The following CADPS variants were observed in gnomAD, a reference collection of about 807,000 sequenced individuals.
CADPS encodes the protein calcium-dependent secretion activator 1.
Under a neutral mutation model 167.3 loss-of-function variants are expected in CADPS, and 57 were observed. That is an observed-to-expected ratio of 0.34 (90% CI 0.28 to 0.42). The LOEUF is 0.42. Ranked by LOEUF, CADPS falls within the 20% of genes least tolerant of loss-of-function variation. The pLI, the probability that CADPS is intolerant of heterozygous loss-of-function variation, is 1.00. For missense variants in CADPS, 1,414 were observed against 1,738.1 expected (o/e 0.81, Z 3.32); for synonymous variants, 676 against 635.3 (o/e 1.06, Z -0.96).
In CADPS at chr3:62,874,103, A is replaced by G. The variant is rs1396874043; in HGVS notation, c.441+486T>C. ...CCAGCGAGCGGAGCGCTGCTCCAAGACGCTCTTCTCCCTCCACCTCGGCGC... is the reference window on the plus strand; with the variant it reads ...CCAGCGAGCGGAGCGCTGCTCCAAGGCGCTCTTCTCCCTCCACCTCGGCGC... On this transcript the variant is annotated intron_variant, in intron 1 of 29. Transcript: ENST00000383710. This position sits in a 1 kb window ranked among gnomAD's most constrained non-coding sequence, Gnocchi z 7.1. 6.6e-6 allele frequency among the ~76,000 whole-genome samples: 1 copy of G among 152,052 alleles called. No individual in the cohort carries two copies. The highest frequency in any genetic ancestry group is 1.5e-5 in the Non-Finnish European group (1 of 67,972).
rs980598689 is a variant in CADPS at position 62,600,423 on chromosome 3, A to G, written c.1326-7675T>C. Among the ~76,000 whole-genome samples the G allele has an allele frequency of 4.7e-4, 71 of 152,162 alleles. 1 individual carries two copies. Among genetic ancestry groups the G allele is most frequent in the Admixed American group, 4.7e-3 (71 of 15,268 alleles). On this transcript the variant is annotated intron_variant, in intron 6 of 29. Coordinates refer to ENST00000383710, the MANE Select transcript of CADPS (RefSeq NM_003716.4). ...AGAGACTGTAGAAATGCCATCACCC[A>G]TAGAGGCACCTCCAAAGATGAAGGA... is the stretch of plus-strand genomic sequence containing the variant.
intron 17 of CADPS, among the ~76,000 whole-genome samples, chr3:62,504,998 G>A (rs1420461261): frequency 6.6e-6 from 1 of 152,094 alleles, no homozygotes; most frequent in Non-Finnish European, 1.5e-5. Context: ...CTATTGATGT[G>A]TTGCTGAAGA....
At chr3:62,696,064 C>T (rs924130015) in intron 3 of CADPS, among the ~76,000 whole-genome samples, 1 of 152,092 alleles carries the variant, frequency 6.6e-6, no homozygotes, top group Non-Finnish European at 1.5e-5. Context: ...GCCTTGACCC[C>T]TACATATAAA....
chr3:62,834,079 A>C lies in CADPS; in HGVS notation c.441+40510T>G, dbSNP rs747065920. Among the ~76,000 whole-genome samples the C allele has an allele frequency of 2.9e-3, 438 of 152,306 alleles. 3 individuals are homozygous for C. Among genetic ancestry groups the C allele is most frequent in the Non-Finnish European group, 3.4e-3 (232 of 68,020 alleles). ...TTCTCTGTCATGGGTCTTTGTAAGA[A>C]AAAGAAAATCATGCGTATCAGTAAA... On this transcript the variant is annotated intron_variant, in intron 1 of 29. Transcript: ENST00000383710.
At chr3:62,826,367 T>C (rs1025598791) in intron 1 of CADPS, among the ~76,000 whole-genome samples, 1 of 152,160 alleles carries the variant, frequency 6.6e-6, no homozygotes, top group African/African-American at 2.4e-5. Flanking sequence ...TGATGGACTG[T>C]ATCAATGTCC....
At chr3:62,498,236 C>T (rs546554664) in intron 18 of CADPS, 110 of 455,350 alleles carry the variant, frequency 2.4e-4, no homozygotes, top group Non-Finnish European at 3.8e-4. Flanking sequence ...TTAGTCGGGA[C>T]GGCTGGATTT....
chr3:62,728,919 C>T (rs781586786), intron 3 of CADPS, among the ~76,000 whole-genome samples: 1 of 151,812 alleles, frequency 6.6e-6, no homozygotes, highest in Admixed American at 6.6e-5. Flanking sequence ...TCCGGAATCC[C>T]TCAAAAAACC....
chr3:62,438,225 G>C lies in CADPS; in HGVS notation c.3670-14C>G, dbSNP rs1338066392. 1 of 1,601,754 alleles carries C rather than the reference G, an allele frequency of 6.2e-7. No individual in the cohort carries two copies. Among genetic ancestry groups the C allele is most frequent in the Admixed American group, 1.7e-5 (1 of 59,920 alleles). On this transcript the variant is annotated splice_polypyrimidine_tract_variant and intron_variant, in intron 27 of 29. Transcript: ENST00000383710. This position sits in a 1 kb window ranked among gnomAD's most constrained non-coding sequence, Gnocchi z 4.7. ...CATCCCGGGTTTCTGTAAAGAAACA[G>C]GAAAACATGAAAACGAATTTTCAGA...
rs75019545 is a variant in CADPS, at chr3:62,841,057, T to C, written c.441+33532A>G. Among the ~76,000 whole-genome samples the C allele has an allele frequency of 9.5e-3, 1,442 of 152,298 alleles. 37 individuals carry two copies. The highest frequency in any genetic ancestry group is 0.087 in the South Asian group (418 of 4,820). On this transcript the variant is annotated intron_variant, in intron 1 of 29. Transcript: ENST00000383710. ...TTAGAGCAAATGGGACCTCATTTAC[T>C]CCATTCCCCATTTCCAGGCAGAGAT...
At chr3:62,741,804 C>T (rs1223106029) in intron 3 of CADPS, among the ~76,000 whole-genome samples, 1 of 152,112 alleles carries the variant, frequency 6.6e-6, no homozygotes, top group Non-Finnish European at 1.5e-5. Flanking sequence ...AAAAAAAGAG[C>T]ATCCAAATAG....
chr3:62,635,156 A>G (rs2066040668), intron 6 of CADPS, among the ~76,000 whole-genome samples: 1 of 152,202 alleles, frequency 6.6e-6, no homozygotes, highest in South Asian at 2.1e-4. Flanking sequence ...AACATTTTCT[A>G]GGTTCCAAGT....
chr3:62,778,912 T>C (rs1351937949), intron 1 of CADPS, among the ~76,000 whole-genome samples: 2 of 152,120 alleles, frequency 1.3e-5, no homozygotes, highest in Admixed American at 6.6e-5. Context: ...ATTTACTTTT[T>C]TTTTTTTTAA....
At chr3:62,797,073 T>C (rs535401147) in intron 1 of CADPS, among the ~76,000 whole-genome samples, 251 of 152,326 alleles carry the variant, frequency 1.6e-3, no homozygotes, top group African/African-American at 5.8e-3. Context: ...ATTGAGACAG[T>C]CTGGAGAAAT....
At chr3:62,830,086 G>C (rs1000953949) in intron 1 of CADPS, among the ~76,000 whole-genome samples, 1 of 152,134 alleles carries the variant, frequency 6.6e-6, no homozygotes, top group African/African-American at 2.4e-5. Flanking sequence ...CCTGTGCTTA[G>C]CTCTATGAAG....
intron 12 of CADPS, among the ~76,000 whole-genome samples, chr3:62,533,687 T>G (rs2074159630): frequency 6.6e-6 from 1 of 152,142 alleles, no homozygotes; most frequent in South Asian, 2.1e-4. Context: ...TGAAGAAATT[T>G]TAGGGTTGAT....
intron 28 of CADPS, among the ~76,000 whole-genome samples, chr3:62,429,455 C>T (rs145011429): frequency 2.0e-5 from 3 of 152,142 alleles, no homozygotes; most frequent in Admixed American, 1.3e-4. Context: ...AGGTATTGAT[C>T]GTGAAATCTT....
intron 1 of CADPS, among the ~76,000 whole-genome samples, chr3:62,787,358 G>A (rs1004241772): frequency 3.3e-4 from 50 of 152,028 alleles, no homozygotes; most frequent in African/African-American, 1.1e-3. Flanking sequence ...TTCAGAAAGC[G>A]TGAAACAAAA....
At position 62,707,322 on chromosome 3, in the gene CADPS, C is replaced by T. The variant is rs114984631; in HGVS notation, c.889-44928G>A. Among the ~76,000 whole-genome samples, 1,471 of 152,196 alleles carry T rather than the reference C, an allele frequency of 9.7e-3. 40 individuals carry two copies. The highest frequency in any genetic ancestry group is 0.033 in the African/African-American group (1,378 of 41,456). The stretch of plus-strand genomic sequence containing the variant: ...GAAGCAGTTTCATCCCAAAGCCATC[C>T]CCTGCAACCCCGGGTCTGTGAAAAC... On this transcript the variant is annotated intron_variant, in intron 3 of 29. Coordinates refer to ENST00000383710, the MANE Select transcript of CADPS (RefSeq NM_003716.4).
chr3:62,640,972 A>G (rs2067293998), intron 6 of CADPS, among the ~76,000 whole-genome samples: 1 of 151,934 alleles, frequency 6.6e-6, no homozygotes, highest in East Asian at 1.9e-4. Flanking sequence ...TTTGCCTACC[A>G]TCTTCCCAAT....
Sources: allele counts gnomAD v4.1 joint callset (sites outside exome capture counted in the v4.1 genomes callset), GRCh38; gene constraint gnomAD v4.1.1; non-coding constraint Gnocchi (gnomAD v3.1); transcripts MANE v1.5; gene names NCBI Gene and HGNC (gene_info 2026-07-23, HGNC 2026-07-21).